The following ANKAR variants were observed in gnomAD, a reference collection of about 807,000 sequenced individuals.
ANKAR encodes ankyrin and armadillo repeat containing.
In ANKAR, 136 loss-of-function variants were observed where a neutral mutation model predicts 146.2. The observed-to-expected ratio is 0.93, with a 90% CI of 0.81 to 1.07. The LOEUF is 1.07. ANKAR is among the 50% of genes least tolerant of loss of function. The pLI, the probability that ANKAR is intolerant of heterozygous loss-of-function variation, is 0.00. For synonymous variants in ANKAR, 500 were observed against 575.8 expected, an observed-to-expected ratio of 0.87 and a Z score of 1.88; for missense variants, 1,567 against 1,679.9, an observed-to-expected ratio of 0.93 and a Z score of 1.18.
chr2:189,745,024 C>CTAATAATAATAA (rs777180514), intron 22 of ANKAR, among the ~76,000 whole-genome samples: 7 of 33,770 alleles, frequency 2.1e-4, no homozygotes, highest in Non-Finnish European at 4.5e-4. Flanking sequence ...ACTACTACTA[C>CTAATAATAATAA]TACTAATAAT....
In ANKAR at chr2:189,720,734, T is replaced by C; in HGVS notation, c.2582T>C (p.Val861Ala). The C allele has an allele frequency of 6.6e-7, 1 of 1,522,114 alleles. No individual in the cohort carries two copies. The highest frequency in any genetic ancestry group is 1.4e-5 in the South Asian group (1 of 74,040). The allele number at this position is 1,522,114 out of a possible 1,614,324, so 94.3% of individuals were successfully genotyped here. Residue 861 changes from valine (V) to alanine (A), a missense_variant, in exon 12 of 23, where the codon GTG becomes GCG. Coordinates refer to ENST00000684021, the MANE Select transcript of ANKAR (RefSeq NM_001378068.1). Reference protein sequence around the residue: ...CIGNENNQRAVREHKGLPYLI... With the variant: ...CIGNENNQRAAREHKGLPYLI... ...GGAAATGAAAACAATCAAAGAGCTG[T>C]GAGAGAACATAAAGGCCTCCCATAT...
chr2:189,722,007 A>G (rs1377145007), intron 12 of ANKAR, among the ~76,000 whole-genome samples: 1 of 152,146 alleles, frequency 6.6e-6, no homozygotes, highest in African/African-American at 2.4e-5. Flanking sequence ...CTCTCTGTTC[A>G]AGTGTTCTTC....
intron 2 of ANKAR, among the ~76,000 whole-genome samples, chr2:189,680,880 A>G (rs1450324420): frequency 6.6e-6 from 1 of 152,116 alleles, no homozygotes; most frequent in Admixed American, 6.6e-5. Context: ...ATGTTAAGCC[A>G]TTTTTTAAAT....
chr2:189,676,932 A>G lies in ANKAR; in HGVS notation c.442A>G (p.Ile148Val). The G allele has an allele frequency of 6.2e-7, 1 of 1,614,100 alleles. No homozygotes were observed. The highest frequency in any genetic ancestry group is 8.5e-7 in the Non-Finnish European group (1 of 1,180,024). Residue 148 changes from isoleucine to valine, a missense_variant, in exon 2 of 23, where the codon ATC becomes GTC. Transcript: ENST00000684021. ...YYDTRIGQIL[I>V]NIDYMLKALW... The stretch of plus-strand genomic sequence containing the variant: ...TGATACCAGAATTGGGCAAATTCTG[A>G]TCAATATTGACTACATGCTGAAAGC...
At chr2:189,756,859 T>C (rs979040347) in intron 18 of ANKAR, among the ~76,000 whole-genome samples, 2 of 152,210 alleles carry the variant, frequency 1.3e-5, no homozygotes, top group Non-Finnish European at 1.5e-5. Context: ...AAGCACATGC[T>C]ACCAGTTATT....
intron 13 of ANKAR, 36 bp downstream of exon 13, chr2:189,728,133 A>G (rs780248159): frequency 6.4e-7 from 1 of 1,558,354 alleles, no homozygotes; most frequent in South Asian, 1.2e-5. Context: ...TTTTTCTTAG[A>G]TGATGTTTTC....
Position 189,711,051 on chromosome 2 carries a change from A to T in ANKAR, c.2122A>T (p.Met708Leu). 6.2e-7 allele frequency: 1 copy of T among 1,610,986 alleles called. No individual in the cohort carries two copies. Among genetic ancestry groups the T allele is most frequent in the Non-Finnish European group, 8.5e-7 (1 of 1,178,606 alleles). Residue 708 changes from methionine (M) to leucine (L), a missense_variant and splice_region_variant, in exon 10 of 23, where the codon ATG (methionine) becomes TTG (leucine). Physicochemically the swap from Met to Leu is conservative, Grantham distance 15. Transcript: ENST00000684021. ...TTTTTCTGTTGAACACTTAACAGAA[A>T]TGTTACAGTGTGAAAGCTATAAACG... The part of the protein sequence containing the change: ...ELPVWKTLVE[M>L]LQCESYKRRM...
At chr2:189,708,046 G>A (rs766630945) in intron 9 of ANKAR, among the ~76,000 whole-genome samples, 4 of 152,086 alleles carry the variant, frequency 2.6e-5, no homozygotes, top group African/African-American at 9.7e-5. Flanking sequence ...AGAGGGACCC[G>A]GGAAACTGGG....
rs2036682268 is a variant in ANKAR, at chr2:189,693,192, C to T, written c.1307+15C>T. 6.8e-7 allele frequency: 1 copy of T among 1,473,038 alleles called. No homozygotes were observed. Among genetic ancestry groups the T allele is most frequent in the Middle Eastern group, 1.7e-4 (1 of 5,768 alleles). The allele number at this position is 1,473,038 out of a possible 1,614,324, so 91.2% of individuals were successfully genotyped here. A position where few individuals can be genotyped will look rare whatever the true frequency, so the allele number is the denominator to read the frequency against. On this transcript the variant is annotated intron_variant, in intron 5 of 22. Coordinates refer to ENST00000684021, the MANE Select transcript of ANKAR (RefSeq NM_001378068.1). Reference sequence around the variant, plus strand: ...CATGGAAAAAGGTACGGAGCTTTCACTAATTACTGACATTAACTACAATTT... The same window carrying T: ...CATGGAAAAAGGTACGGAGCTTTCATTAATTACTGACATTAACTACAATTT...
At chr2:189,744,418 G>A (rs940076485) in intron 21 of ANKAR, among the ~76,000 whole-genome samples, 1 of 152,112 alleles carries the variant, frequency 6.6e-6, no homozygotes, top group Non-Finnish European at 1.5e-5. Context: ...CCCATGTGAC[G>A]ACTTTGTAGG....
chr2:189,742,851 CATTAGAATT>C (rs2043482335), intron 20 of ANKAR, among the ~76,000 whole-genome samples: 1 of 31,746 alleles, frequency 3.1e-5, no homozygotes, highest in African/African-American at 5.0e-5. Flanking sequence ...CACACACACA[CATTAGAATT>C]ACCTGACACA....
downstream of ANKAR, chr2:189,762,958 C>T (rs1331880806): frequency 1.0e-6 from 1 of 985,248 alleles, no homozygotes; most frequent in East Asian, 1.1e-4. Context: ...TAAAATTACA[C>T]AGCTAGTGAC....
intron 9 of ANKAR, among the ~76,000 whole-genome samples, chr2:189,708,821 C>T (rs1168492635): frequency 2.6e-5 from 4 of 152,074 alleles, no homozygotes; most frequent in Non-Finnish European, 4.4e-5. Flanking sequence ...TGGAATGTAT[C>T]CTCTGCAGAT....
intron 4 of ANKAR, 192 bp downstream of exon 4, chr2:189,692,610 G>T: frequency 4.4e-6 from 2 of 459,366 alleles, no homozygotes; most frequent in Non-Finnish European, 7.4e-6. Flanking sequence ...GTACTGTGTT[G>T]GATATCTGAG....
rs369047894 is a variant in ANKAR, at chr2:189,742,865, G to C, written c.3811-410G>C. Among the ~76,000 whole-genome samples the C allele has an allele frequency of 3.5e-3, 149 of 43,026 alleles. 2 individuals are homozygous for C. The highest frequency in any genetic ancestry group is 7.3e-3 in the Non-Finnish European group (117 of 16,042). The allele number at this position is 43,026 out of a possible 152,430, so 28.2% of individuals were successfully genotyped here. On this transcript the variant is annotated intron_variant, in intron 20 of 22. Coordinates refer to ENST00000684021, the MANE Select transcript of ANKAR (RefSeq NM_001378068.1). ...ACACACACACACATTAGAATTACCT[G>C]ACACACACACACACACACACACACA... is the stretch of plus-strand genomic sequence containing the variant.
At chr2:189,752,260 A>C (rs919705737) in intron 18 of ANKAR, among the ~76,000 whole-genome samples, 2 of 152,202 alleles carry the variant, frequency 1.3e-5, no homozygotes, top group East Asian at 1.9e-4. Flanking sequence ...CCTGTGTAAG[A>C]GCATAATCAC....
intron 16 of ANKAR, among the ~76,000 whole-genome samples, chr2:189,731,116 T>C (rs765357764): frequency 5.1e-4 from 77 of 152,306 alleles, no homozygotes; most frequent in Middle Eastern, 3.4e-3. Context: ...CAAAGAATTA[T>C]TGTGAGTTGT....
At chr2:189,711,985 C>T (rs1192134718) in intron 10 of ANKAR, among the ~76,000 whole-genome samples, 1 of 152,230 alleles carries the variant, frequency 6.6e-6, no homozygotes, top group Non-Finnish European at 1.5e-5. Context: ...TGGAGCCTTG[C>T]TCACTGCTAG....
chr2:189,761,938 A>G (rs896317990), downstream of ANKAR, among the ~76,000 whole-genome samples: 14 of 152,366 alleles, frequency 9.2e-5, no homozygotes, highest in Middle Eastern at 3.4e-3. Context: ...ATAAAGTACA[A>G]TAATTGATAG....
Sources: gnomAD v4.1 joint callset for allele counts (sites outside exome capture counted in the v4.1 genomes callset) on GRCh38, gnomAD v4.1.1 for gene constraint, MANE v1.5 for transcripts, NCBI Gene and HGNC (gene_info 2026-07-23, HGNC 2026-07-21) for gene names.